The following ATXN2L variants were observed in gnomAD, a reference collection of about 807,000 sequenced individuals.
The protein encoded by ATXN2L is ataxin 2 like.
Under a neutral mutation model 120.7 loss-of-function variants are expected in ATXN2L, and 24 were observed. The ratio of observed to expected loss-of-function variants is 0.20; its 90% CI spans 0.14 to 0.28. The LOEUF (loss-of-function observed/expected upper bound fraction) is 0.28. ATXN2L is among the 10% of genes least tolerant of loss of function. ATXN2L has a pLI of 1.00. For synonymous variants in ATXN2L, 653 were observed against 568.1 expected, an observed-to-expected ratio of 1.15 and a Z score of -2.13; for missense variants, 1,312 against 1,432.3, an observed-to-expected ratio of 0.92 and a Z score of 1.36.
intron 9 of ATXN2L, 45 bp from the exon 10 acceptor site, chr16:28,830,917 C>A: frequency 6.7e-7 from 1 of 1,501,232 alleles, no homozygotes; most frequent in Non-Finnish European, 9.0e-7. Flanking sequence ...AGGTCGTCTG[C>A]CTCCTGACAT....
intron 10 of ATXN2L, 89 bp from the exon 11 acceptor site, chr16:28,832,116 G>GTA (rs2054709097): frequency 7.0e-7 from 1 of 1,425,788 alleles, no homozygotes; most frequent in Non-Finnish European, 9.7e-7. Flanking sequence ...TGTATAGTGT[G>GTA]TAAACTTTCT....
chr16:28,829,409 A>T lies in ATXN2L; in HGVS notation c.750A>T (p.Gly250=). The part of the protein sequence containing the change: ...DYDLESDMSN[G]WDPNEMFKFN... ...CCTTCCTCCCTCCCCAGTCCAATGG[A>T]TGGGACCCCAATGAAATGTTCAAGT... The change falls in exon 7 of 22, where the codon GGA becomes GGT. Residue 250 remains glycine, a synonymous_variant. Transcript: ENST00000336783. 6.2e-7 allele frequency: 1 copy of T among 1,612,080 alleles called. No homozygotes were observed. The highest frequency in any genetic ancestry group is 1.1e-5 in the South Asian group (1 of 91,040).
At chr16:28,826,797 G>A in intron 5 of ATXN2L, 65 bp from the exon 6 acceptor site, 1 of 1,480,114 alleles carries the variant, frequency 6.8e-7, no homozygotes. Context: ...AGTGGGGTTG[G>A]GGGATATTGG....
In ATXN2L at chr16:28,830,014, C is replaced by T; in HGVS notation, c.990C>T (p.Val330=). ...CTGAAGAGGAGAAGCACAGTGCAGT[C>T]CAGCGGCAGGGCTCAGGGCGGGAGA... ...GRTEEEKHSA[V]QRQGSGRESP... is the part of the protein sequence containing the mutation. The change falls in exon 8 of 22, where the codon GTC becomes GTT. Residue 330 remains valine, a synonymous_variant. Coordinates refer to ENST00000336783, the MANE Select transcript of ATXN2L (RefSeq NM_007245.4). The T allele has an allele frequency of 6.2e-7, 1 of 1,614,066 alleles. No individual in the cohort carries two copies. Among genetic ancestry groups the T allele is most frequent in the Non-Finnish European group, 8.5e-7 (1 of 1,179,928 alleles).
At chr16:28,827,527 T>G (rs1398735969) in intron 6 of ATXN2L, among the ~76,000 whole-genome samples, 1 of 152,098 alleles carries the variant, frequency 6.6e-6, no homozygotes, top group Non-Finnish European at 1.5e-5. Flanking sequence ...AAAGTATAGA[T>G]TAATGTGTAG....
intron 13 of ATXN2L, 21 bp from the exon 14 acceptor site, chr16:28,833,038 G>C: frequency 6.2e-7 from 1 of 1,611,504 alleles, no homozygotes; most frequent in Non-Finnish European, 8.5e-7. Context: ...AGACTGGACT[G>C]TGTGTGTTTC....
At chr16:28,834,295 G>T in intron 16 of ATXN2L, 48 bp from the exon 17 acceptor site, 1 of 1,611,896 alleles carries the variant, frequency 6.2e-7, no homozygotes, top group Non-Finnish European at 8.5e-7. Context: ...GGCCTGTCTG[G>T]GCATTCGTGA....
chr16:28,834,567 GGCC>G lies in ATXN2L; in HGVS notation c.2313_2315del (p.Ala774del). The G allele has an allele frequency of 6.2e-7, 1 of 1,612,596 alleles. No individual in the cohort carries two copies. Among genetic ancestry groups the G allele is most frequent in the Non-Finnish European group, 8.5e-7 (1 of 1,179,840 alleles). On this transcript the variant is annotated inframe_deletion, in exon 18 of 22. Coordinates refer to ENST00000336783, the MANE Select transcript of ATXN2L (RefSeq NM_007245.4). ...CAGCCTCAGCCCCGCCGATGATGCA[GGCC>G]GCCGCGGCTGCTGGCCCGCCTCTGG...
At chr16:28,826,707 TC>T (rs1443520149) in intron 5 of ATXN2L, 154 bp from the exon 6 acceptor site, 3 of 880,520 alleles carry the variant, frequency 3.4e-6, no homozygotes, top group Non-Finnish European at 3.3e-6. Context: ...TTCTCTTGCC[TC>T]CCCACCCCCT....
chr16:28,829,848 G>A lies in ATXN2L; in HGVS notation c.834-10G>A, dbSNP rs772885912. On this transcript the variant is annotated splice_polypyrimidine_tract_variant and intron_variant, in intron 7 of 21. Transcript: ENST00000336783. ...ACTGGGATGGTGGTGGTCTGTGGGT[G>A]CTGTCTCAGGGTGCCCTTAGAAAAG... 30 of 1,613,646 alleles carry A rather than the reference G, an allele frequency of 1.9e-5. No homozygotes were observed. The highest frequency in any genetic ancestry group is 2.5e-5 in the Non-Finnish European group (30 of 1,179,644).
In ATXN2L at chr16:28,836,682, C is replaced by A. The variant is rs1961037911; in HGVS notation, c.*417C>A. The stretch of plus-strand genomic sequence containing the variant: ...ACGGCATTGGAGGAAGGGACAGCTG[C>A]TTGGGTTCTAATGCTCCTGCTCTCT... On this transcript the variant is annotated 3_prime_UTR_variant, in exon 22 of 22. Transcript: ENST00000336783. 6.2e-7 allele frequency: 1 copy of A among 1,613,768 alleles called. No individual in the cohort carries two copies. The highest frequency in any genetic ancestry group is 8.5e-7 in the Non-Finnish European group (1 of 1,179,972).
At chr16:28,828,183 G>A (rs1449805403) in intron 6 of ATXN2L, among the ~76,000 whole-genome samples, 2 of 152,018 alleles carry the variant, frequency 1.3e-5, no homozygotes, top group Admixed American at 6.6e-5. Flanking sequence ...TATTCCCCAC[G>A]CACATGTGCC....
In ATXN2L at chr16:28,823,393, C is replaced by A. The variant is rs760064808; in HGVS notation, c.134C>A (p.Ser45Tyr). The change falls in exon 1 of 22, where the codon TCT (serine) becomes TAT (tyrosine). Residue 45 changes from serine (S) to tyrosine (Y), a missense_variant. Physicochemically the swap from Ser to Tyr is moderately radical, Grantham distance 144. Coordinates refer to ENST00000336783, the MANE Select transcript of ATXN2L (RefSeq NM_007245.4). ...NGGLPGPLATSAAPPGPPAAA... is the reference protein window; with the variant it reads ...NGGLPGPLATYAAPPGPPAAA... ...GGCCTCCCGGGGCCGCTGGCCACCT[C>A]TGCGGCTCCTCCCGGGCCTCCAGCG... The A allele has an allele frequency of 6.7e-6, 9 of 1,335,884 alleles. No homozygotes were observed. The highest frequency in any genetic ancestry group is 8.6e-6 in the Non-Finnish European group (9 of 1,047,790). 82.8% of individuals were successfully genotyped at this position (1,335,884 alleles called of 1,614,324 possible).
At chr16:28,824,646 C>A (rs1201125970) in intron 1 of ATXN2L, 1 of 1,152,294 alleles carries the variant, frequency 8.7e-7, no homozygotes, top group Admixed American at 2.9e-5. Flanking sequence ...AAATGATTGT[C>A]TTTTCTGTTT....
rs1960875083 is a variant in ATXN2L, at chr16:28,836,488, A to C, written c.*223A>C. On this transcript the variant is annotated 3_prime_UTR_variant, in exon 22 of 22. Coordinates refer to ENST00000336783, the MANE Select transcript of ATXN2L (RefSeq NM_007245.4). ...GACTGTCTCCTGACTTAGCCGAGGT[A>C]AGGTCAGTGCAGCAGACAGGGCCAG... The C allele has an allele frequency of 6.2e-7, 1 of 1,609,240 alleles. No homozygotes were observed. Among genetic ancestry groups the C allele is most frequent in the Non-Finnish European group, 8.5e-7 (1 of 1,177,800 alleles).
At chr16:28,831,886 A>G (rs1478777774) in intron 10 of ATXN2L, among the ~76,000 whole-genome samples, 2 of 152,210 alleles carry the variant, frequency 1.3e-5, no homozygotes, top group Non-Finnish European at 2.9e-5. Context: ...CCCTGTCTCT[A>G]AATAAATAAA....
At chr16:28,831,720 CAAAAAATAAA>C (rs1381856456) in intron 10 of ATXN2L, among the ~76,000 whole-genome samples, 1 of 151,958 alleles carries the variant, frequency 6.6e-6, no homozygotes, top group African/African-American at 2.4e-5. Flanking sequence ...AACCCTTCTG[CAAAAAATAAA>C]AAGATTAGCT....
At position 28,823,238 on chromosome 16, in the gene ATXN2L, T is replaced by G; in HGVS notation, c.-22T>G. 1 of 1,416,564 alleles carries G rather than the reference T, an allele frequency of 7.1e-7. No individual in the cohort carries two copies. Among genetic ancestry groups the G allele is most frequent in the South Asian group, 1.6e-5 (1 of 64,382 alleles). The allele number at this position is 1,416,564 out of a possible 1,614,324, so 87.7% of individuals were successfully genotyped here. The stretch of plus-strand genomic sequence containing the variant: ...CCTCTCTCCCTCCCTTCTCTCTAAT[T>G]CCCCTTCCGGACGCTGCCATCATGT... On this transcript the variant is annotated 5_prime_UTR_variant, in exon 1 of 22. It adds an upstream start codon to the 5' untranslated region. Coordinates refer to ENST00000336783, the MANE Select transcript of ATXN2L (RefSeq NM_007245.4).
rs1418078763 is a variant in ATXN2L at position 28,836,544 on chromosome 16, T to A, written c.*279T>A. The A allele has an allele frequency of 1.3e-6, 2 of 1,581,732 alleles. No homozygotes were observed. The highest frequency in any genetic ancestry group is 1.7e-6 in the Non-Finnish European group (2 of 1,165,994). ...GGTGTGGGGGGCTGAGCTGGGCACA[T>A]GAGTGAGGGCTCTGGCTTACTGGGA... On this transcript the variant is annotated 3_prime_UTR_variant, in exon 22 of 22. Coordinates refer to ENST00000336783, the MANE Select transcript of ATXN2L (RefSeq NM_007245.4).
Sources: allele counts gnomAD v4.1 joint callset (sites outside exome capture counted in the v4.1 genomes callset), GRCh38; gene constraint gnomAD v4.1.1; transcripts MANE v1.5; gene names NCBI Gene and HGNC (gene_info 2026-07-23, HGNC 2026-07-21).